CHRM3: variants seen among roughly 807,000 people sequenced by gnomAD.
CHRM3 encodes cholinergic receptor muscarinic 3.
CHRM3 carries 11 observed loss-of-function variants against 41.8 expected under a neutral mutation model. The ratio of observed to expected loss-of-function variants is 0.26; its 90% CI spans 0.17 to 0.44. The LOEUF (loss-of-function observed/expected upper bound fraction) is 0.44, where lower values mean the gene tolerates loss of function less well. Ranked by LOEUF, CHRM3 falls within the 20% of genes least tolerant of loss-of-function variation. CHRM3 has a pLI of 1.00. For missense variants in CHRM3, 571 were observed against 745.4 expected, an observed-to-expected ratio of 0.77 and a Z score of 2.72; for synonymous variants, 297 against 301.4, an observed-to-expected ratio of 0.99 and a Z score of 0.15.
At chr1:239,590,299 A>G (rs1389977550) in intron 3 of CHRM3, among the ~76,000 whole-genome samples, 1 of 152,232 alleles carries the variant, frequency 6.6e-6, no homozygotes. Flanking sequence ...ACCATTAAAA[A>G]TATGTTAAAT....
chr1:239,785,316 T>C (rs773958948), intron 5 of CHRM3, among the ~76,000 whole-genome samples: 2 of 152,218 alleles, frequency 1.3e-5, no homozygotes, highest in Non-Finnish European at 2.9e-5. Flanking sequence ...CTGAAATTCA[T>C]GGAGATGGAA....
intron 6 of CHRM3, among the ~76,000 whole-genome samples, chr1:239,891,143 G>A (rs2102943441): frequency 6.6e-6 from 1 of 152,232 alleles, no homozygotes; most frequent in East Asian, 1.9e-4. Context: ...CTAGAGGTGG[G>A]TGGGGAAAGA....
intron 6 of CHRM3, among the ~76,000 whole-genome samples, chr1:239,843,688 T>C (rs1359371450): frequency 1.3e-5 from 2 of 152,132 alleles, no homozygotes; most frequent in Non-Finnish European, 1.5e-5. Context: ...AAGACTTTAA[T>C]TGCTGACATA....
intron 3 of CHRM3, among the ~76,000 whole-genome samples, chr1:239,570,415 G>A (rs1003395436): frequency 6.6e-5 from 10 of 152,088 alleles, no homozygotes; most frequent in Non-Finnish European, 1.3e-4. Context: ...GATAACCAAC[G>A]AATACAGTGA....
At chr1:239,722,314 T>A (rs1455310374) in intron 5 of CHRM3, among the ~76,000 whole-genome samples, 1 of 151,946 alleles carries the variant, frequency 6.6e-6, no homozygotes, top group African/African-American at 2.4e-5. Context: ...GACAGACATG[T>A]TTCCCAGTGC....
At chr1:239,741,002 C>A (rs1269651292) in intron 5 of CHRM3, among the ~76,000 whole-genome samples, 1 of 152,076 alleles carries the variant, frequency 6.6e-6, no homozygotes, top group African/African-American at 2.4e-5. Context: ...CTTATGTATT[C>A]ATATACTAGT....
intron 5 of CHRM3, among the ~76,000 whole-genome samples, chr1:239,680,609 A>G (rs1394999393): frequency 2.0e-5 from 3 of 152,072 alleles, no homozygotes; most frequent in African/African-American, 7.2e-5. Flanking sequence ...ACAGCTACCA[A>G]AGTGTGTTAA....
At chr1:239,746,917 C>G (rs1011539784) in intron 5 of CHRM3, among the ~76,000 whole-genome samples, 5 of 151,948 alleles carry the variant, frequency 3.3e-5, no homozygotes, top group African/African-American at 1.2e-4. Context: ...GCCACCAACC[C>G]CAGCTAATTT....
intron 6 of CHRM3, among the ~76,000 whole-genome samples, chr1:239,881,107 C>G (rs1018002500): frequency 6.6e-6 from 1 of 151,578 alleles, no homozygotes; most frequent in Admixed American, 6.6e-5. Context: ...CACGGTGAAA[C>G]CCCGTCTCTA....
At chr1:239,751,587 T>C (rs1665833955) in intron 5 of CHRM3, among the ~76,000 whole-genome samples, 1 of 152,216 alleles carries the variant, frequency 6.6e-6, no homozygotes, top group Non-Finnish European at 1.5e-5. Flanking sequence ...CTTATGATTT[T>C]TTAGATACTG....
At chr1:239,681,743 T>A (rs535853181) in intron 5 of CHRM3, among the ~76,000 whole-genome samples, 2 of 151,982 alleles carry the variant, frequency 1.3e-5, no homozygotes, top group African/African-American at 4.8e-5. Context: ...TAAAAGAAAT[T>A]TAAAAATTAG....
At chr1:239,443,388 C>T (rs960323336) in intron 1 of CHRM3, among the ~76,000 whole-genome samples, 4 of 152,022 alleles carry the variant, frequency 2.6e-5, no homozygotes, top group Admixed American at 2.6e-4. Flanking sequence ...TGTAATGTCA[C>T]GAATGCAAAA....
chr1:239,739,734 T>C (rs1664681258), intron 5 of CHRM3, among the ~76,000 whole-genome samples: 1 of 152,144 alleles, frequency 6.6e-6, no homozygotes, highest in African/African-American at 2.4e-5. Flanking sequence ...GTCCCAGTCA[T>C]CTCAGGGAAA....
Position 239,903,154 on chromosome 1 carries a change from G to T in CHRM3, c.-19-4279G>T, listed in dbSNP as rs542032150. Among the ~76,000 whole-genome samples the T allele has an allele frequency of 5.3e-5, 8 of 152,164 alleles. No individual in the cohort carries two copies. The South Asian group carries it at 1.5e-3, about 28-fold the overall frequency. On this transcript the variant is annotated intron_variant, in intron 6 of 6. Coordinates refer to ENST00000676153, the MANE Select transcript of CHRM3 (RefSeq NM_001375978.1). ...TCTGTATTCAAACAAAGCATAATTG[G>T]ACTAGAATACTATTCATTTGGGGGG...
intron 6 of CHRM3, among the ~76,000 whole-genome samples, chr1:239,844,345 A>G (rs1179035961): frequency 6.6e-6 from 1 of 152,190 alleles, no homozygotes; most frequent in Non-Finnish European, 1.5e-5. Context: ...TGAACTCAAT[A>G]TGAGTCATTA....
chr1:239,708,736 CTTTTTTTTTTT>C lies in CHRM3; in HGVS notation c.-147+30465_-147+30475del, dbSNP rs869143310. 5.6e-4 allele frequency among the ~76,000 whole-genome samples: 27 copies of C among 48,344 alleles called. No homozygotes were observed. In the South Asian group the frequency reaches 0.027, roughly 48 times the overall value. The allele number at this position is 48,344 out of a possible 152,430, so 31.7% of individuals were successfully genotyped here. On this transcript the variant is annotated intron_variant, in intron 5 of 6. Transcript: ENST00000676153. ...CTTTGTTTCTTCTGGTTTAAATTTT[CTTTTTTTTTTT>C]TTTTTTTTTTTTTTTTGGTGTTTGA...
At chr1:239,454,700 C>G (rs951002990) in intron 1 of CHRM3, among the ~76,000 whole-genome samples, 6 of 152,142 alleles carry the variant, frequency 3.9e-5, no homozygotes, top group Non-Finnish European at 7.4e-5. Context: ...AGACACAGTG[C>G]TTTGGAGATT....
chr1:239,698,243 A>G (rs538651282), intron 5 of CHRM3, among the ~76,000 whole-genome samples: 3 of 152,342 alleles, frequency 2.0e-5, no homozygotes, highest in African/African-American at 7.2e-5. Context: ...AATTAAGACT[A>G]GATTATTTCA....
intron 1 of CHRM3, among the ~76,000 whole-genome samples, chr1:239,471,073 C>T (rs1666084907): frequency 6.6e-6 from 1 of 152,176 alleles, no homozygotes; most frequent in African/African-American, 2.4e-5. Context: ...TTTCCTGTTG[C>T]ATATACAAAA....
Sources: allele counts gnomAD v4.1 joint callset (sites outside exome capture counted in the v4.1 genomes callset), GRCh38; gene constraint gnomAD v4.1.1; transcripts MANE v1.5; gene names NCBI Gene and HGNC (gene_info 2026-07-23, HGNC 2026-07-21).